The following PLPP4 variants were observed in gnomAD, a reference collection of about 807,000 sequenced individuals.
PLPP4 encodes diacylglycerol pyrophosphate like 2.
Under a neutral mutation model 32.2 loss-of-function variants are expected in PLPP4, and 20 were observed. The ratio of observed to expected loss-of-function variants is 0.62; its 90% confidence interval spans 0.44 to 0.90. The LOEUF (loss-of-function observed/expected upper bound fraction) is 0.90, where lower values mean the gene tolerates loss of function less well. Among genes scored for constraint, PLPP4 ranks in the 40% least tolerant of loss-of-function variants. The pLI is 0.00. For missense variants in PLPP4, 257 were observed against 353.1 expected (o/e 0.73, Z 2.18); for synonymous variants, 127 against 133.0 (o/e 0.95, Z 0.31).
chr10:120,463,259 C>T (rs569689010), intron 1 of PLPP4, among the ~76,000 whole-genome samples: 3 of 152,234 alleles, frequency 2.0e-5, no homozygotes, highest in South Asian at 4.2e-4. Flanking sequence ...ATCTCCTGAC[C>T]TCGTGATCTG....
chr10:120,566,157 C>G (rs758566784), intron 5 of PLPP4, among the ~76,000 whole-genome samples: 3 of 152,124 alleles, frequency 2.0e-5, no homozygotes, highest in Non-Finnish European at 2.9e-5. Flanking sequence ...TGTAACTATA[C>G]TATCTAAACT....
intron 5 of PLPP4, among the ~76,000 whole-genome samples, chr10:120,536,564 TA>T (rs1409294133): frequency 1.4e-5 from 2 of 147,138 alleles, no homozygotes; most frequent in Non-Finnish European, 3.0e-5. Context: ...GATTTAAACA[TA>T]AAACCTGAAA....
chr10:120,459,489 C>A (rs1378880472), intron 1 of PLPP4, among the ~76,000 whole-genome samples: 2 of 152,124 alleles, frequency 1.3e-5, no homozygotes, highest in Non-Finnish European at 2.9e-5. Context: ...GCGTCTGGCA[C>A]CTTGACAGAG....
intron 1 of PLPP4, among the ~76,000 whole-genome samples, chr10:120,486,536 T>C (rs1844465763): frequency 6.6e-6 from 1 of 152,212 alleles, no homozygotes; most frequent in Admixed American, 6.5e-5. Context: ...TGAAAAGACA[T>C]GGAATACATT....
intron 1 of PLPP4, among the ~76,000 whole-genome samples, chr10:120,502,703 C>T (rs1046509791): frequency 3.3e-5 from 5 of 152,206 alleles, no homozygotes; most frequent in Non-Finnish European, 7.3e-5. Context: ...TGTGGGACTC[C>T]TGATTCTGTC....
intron 5 of PLPP4, among the ~76,000 whole-genome samples, chr10:120,574,170 T>A (rs11199416): frequency 0.033 from 1,307 of 40,158 alleles, 4 homozygotes; most frequent in African/African-American, 0.047. Context: ...ACACACACAC[T>A]CTCTCTCTCT....
At chr10:120,550,017 G>A (rs35653022) in intron 5 of PLPP4, among the ~76,000 whole-genome samples, 32,394 of 151,730 alleles carry the variant, frequency 0.21, 3,919 homozygotes, top group Non-Finnish European at 0.27. Flanking sequence ...TAAAATAAAA[G>A]GCAAGGAAGA....
intron 2 of PLPP4, 126 bp from the exon 3 acceptor site, chr10:120,513,785 G>C (rs1168898377): frequency 2.6e-6 from 2 of 763,664 alleles, no homozygotes; most frequent in African/African-American, 1.8e-5. Flanking sequence ...GTTTGTTTGA[G>C]GTCAGGAGTT....
At chr10:120,493,655 C>T (rs948824091) in intron 1 of PLPP4, among the ~76,000 whole-genome samples, 1 of 151,778 alleles carries the variant, frequency 6.6e-6, no homozygotes, top group African/African-American at 2.4e-5. Flanking sequence ...ACTCACCAAT[C>T]CCCCCCCATC....
intron 5 of PLPP4, among the ~76,000 whole-genome samples, chr10:120,534,947 C>T (rs1032098041): frequency 1.3e-5 from 2 of 152,104 alleles, no homozygotes; most frequent in African/African-American, 2.4e-5. Flanking sequence ...ATCTGGTGGC[C>T]CTCACAGGCA....
chr10:120,570,212 T>C (rs925054050), intron 5 of PLPP4, among the ~76,000 whole-genome samples: 3 of 152,086 alleles, frequency 2.0e-5, no homozygotes, highest in African/African-American at 7.2e-5. Context: ...CATGGTTTCC[T>C]CCTGCTGATG....
intron 1 of PLPP4, among the ~76,000 whole-genome samples, chr10:120,470,873 C>A (rs1031834247): frequency 6.6e-6 from 1 of 152,170 alleles, no homozygotes; most frequent in African/African-American, 2.4e-5. Context: ...CTGCTACTTA[C>A]TGGTTATAAT....
chr10:120,572,184 A>C (rs1377330339), intron 5 of PLPP4, among the ~76,000 whole-genome samples: 1 of 152,136 alleles, frequency 6.6e-6, no homozygotes, highest in Non-Finnish European at 1.5e-5. Context: ...TGTGGGAGAG[A>C]ATACATTTTA....
intron 6 of PLPP4, among the ~76,000 whole-genome samples, chr10:120,575,602 A>G (rs1849185628): frequency 6.6e-6 from 1 of 151,870 alleles, no homozygotes. Context: ...CCCAAATGTG[A>G]TTTTCCTGCT....
At chr10:120,461,653 G>A (rs915343866) in intron 1 of PLPP4, among the ~76,000 whole-genome samples, 7 of 152,258 alleles carry the variant, frequency 4.6e-5, no homozygotes, top group African/African-American at 1.7e-4. Flanking sequence ...GGGGATGAGA[G>A]GAGAGAAGGC....
rs1237410215 is a variant in PLPP4 at position 120,518,832 on chromosome 10, G to A, written c.257-1G>A. 6.2e-7 allele frequency: 1 copy of A among 1,611,676 alleles called. No homozygotes were observed. The highest frequency in any genetic ancestry group is 2.2e-5 in the East Asian group (1 of 44,818). On this transcript the variant is annotated splice_acceptor_variant, in intron 3 of 6. Transcript: ENST00000398250. LOFTEE classifies it high-confidence loss of function. ...TTCTGTCTGTTGGTTTTGTTTTGTA[G>A]CGGTGTCCTTGGCTCTTGCTTTGAA...
chr10:120,502,394 A>G (rs969086309), intron 1 of PLPP4, among the ~76,000 whole-genome samples: 1 of 152,152 alleles, frequency 6.6e-6, no homozygotes, highest in African/African-American at 2.4e-5. Context: ...GACACAGCAG[A>G]TGGGTGGATT....
chr10:120,505,480 C>T (rs1845450901), intron 2 of PLPP4, among the ~76,000 whole-genome samples: 2 of 152,200 alleles, frequency 1.3e-5, no homozygotes, highest in Non-Finnish European at 2.9e-5. Flanking sequence ...CTGGGAACTG[C>T]TCCAGAAACT....
chr10:120,503,040 C>T (rs1008814116), intron 1 of PLPP4, among the ~76,000 whole-genome samples: 3 of 152,248 alleles, frequency 2.0e-5, no homozygotes, highest in Non-Finnish European at 4.4e-5. Flanking sequence ...GGGACAGCTG[C>T]CGCAACCCCA....
Sources: gnomAD v4.1 joint callset for allele counts (sites outside exome capture counted in the v4.1 genomes callset) on GRCh38, gnomAD v4.1.1 for gene constraint, MANE v1.5 for transcripts, NCBI Gene and HGNC (gene_info 2026-07-23, HGNC 2026-07-21) for gene names.